WDR7: variants seen among roughly 807,000 people sequenced by gnomAD.
WDR7 encodes the protein WD repeat-containing protein 7.
A neutral mutation model predicts 169.4 loss-of-function variants in WDR7; 46 were observed. The observed-to-expected ratio is 0.27, with a 90% CI of 0.21 to 0.35. The LOEUF (loss-of-function observed/expected upper bound fraction) is 0.35, where lower values mean the gene tolerates loss of function less well. WDR7 is among the 10% of genes least tolerant of loss of function. The pLI is 1.00. For missense variants in WDR7, 1,534 were observed against 1,859.3 expected, an observed-to-expected ratio of 0.83 and a Z score of 3.22; for synonymous variants, 612 against 666.8, an observed-to-expected ratio of 0.92 and a Z score of 1.27.
At chr18:56,813,183 A>T (rs2044903996) in intron 19 of WDR7, among the ~76,000 whole-genome samples, 2 of 115,670 alleles carry the variant, frequency 1.7e-5, no homozygotes, top group Admixed American at 7.6e-5. Context: ...AGTATAATAA[A>T]AAAAAAAAAC....
chr18:56,807,719 C>G (rs1232693683), intron 19 of WDR7, among the ~76,000 whole-genome samples: 1 of 149,608 alleles, frequency 6.7e-6, no homozygotes, highest in Non-Finnish European at 1.5e-5. Context: ...TTCATTTGTT[C>G]ATAAACAAAG....
intron 12 of WDR7, among the ~76,000 whole-genome samples, chr18:56,700,344 C>T (rs1163708882): frequency 5.5e-5 from 8 of 144,846 alleles, no homozygotes; most frequent in African/African-American, 2.0e-4. Context: ...GCAACCTCCA[C>T]CTCCCGGGTT....
chr18:56,691,481 AG>A, intron 8 of WDR7, 120 bp downstream of exon 8: 1 of 1,194,692 alleles, frequency 8.4e-7, no homozygotes, highest in African/African-American at 1.6e-5. Context: ...AAAACACTTC[AG>A]AACTTCTTAA....
chr18:56,810,077 G>A (rs1469400243), intron 19 of WDR7, among the ~76,000 whole-genome samples: 1 of 152,062 alleles, frequency 6.6e-6, no homozygotes, highest in Non-Finnish European at 1.5e-5. Flanking sequence ...AAATAGCCAG[G>A]TTTATGGCTG....
At chr18:56,913,484 AT>A (rs1420716996) in intron 21 of WDR7, among the ~76,000 whole-genome samples, 2 of 152,058 alleles carry the variant, frequency 1.3e-5, no homozygotes, top group African/African-American at 4.8e-5. Context: ...TTAAAAAAAA[AT>A]GTTTTTAATC....
intron 12 of WDR7, among the ~76,000 whole-genome samples, chr18:56,713,612 A>C (rs868821977): frequency 6.6e-6 from 1 of 152,192 alleles, no homozygotes; most frequent in Admixed American, 6.5e-5. Flanking sequence ...TGTTTTATAC[A>C]TTATCTTGTT....
At chr18:56,833,288 A>G (rs542448152) in intron 20 of WDR7, among the ~76,000 whole-genome samples, 25 of 151,992 alleles carry the variant, frequency 1.6e-4, no homozygotes, top group Non-Finnish European at 2.9e-4. Flanking sequence ...AAGATTAGAG[A>G]AAAAGGAATG....
chr18:56,854,426 T>C (rs1485424285), intron 20 of WDR7, among the ~76,000 whole-genome samples: 3 of 152,216 alleles, frequency 2.0e-5, no homozygotes. Flanking sequence ...ACATGGAGCC[T>C]CCATGCCCAA....
chr18:56,834,756 A>G (rs1345750617), intron 20 of WDR7, among the ~76,000 whole-genome samples: 2 of 152,186 alleles, frequency 1.3e-5, no homozygotes, highest in African/African-American at 4.8e-5. Flanking sequence ...CTAAAAGTGG[A>G]ATCGTTTAAA....
intron 27 of WDR7, among the ~76,000 whole-genome samples, chr18:57,024,297 C>T (rs1395481256): frequency 6.6e-6 from 1 of 152,068 alleles, no homozygotes; most frequent in African/African-American, 2.4e-5. Context: ...CGTTTGTATC[C>T]AGTCGCTGTT....
chr18:56,866,271 G>C (rs1404253310), intron 20 of WDR7, among the ~76,000 whole-genome samples: 2 of 151,344 alleles, frequency 1.3e-5, no homozygotes, highest in African/African-American at 4.9e-5. Context: ...ATCTTACCTT[G>C]GACCTAAGAG....
At chr18:56,783,980 A>G (rs1443973253) in intron 19 of WDR7, among the ~76,000 whole-genome samples, 1 of 152,224 alleles carries the variant, frequency 6.6e-6, no homozygotes, top group Non-Finnish European at 1.5e-5. Context: ...AGAATAAAAT[A>G]TAAGTAAAAT....
chr18:56,971,011 C>G (rs1487998112), intron 26 of WDR7, among the ~76,000 whole-genome samples: 1 of 152,142 alleles, frequency 6.6e-6, no homozygotes, highest in Non-Finnish European at 1.5e-5. Flanking sequence ...GTGGCTCGCA[C>G]CAGTAATCCC....
intron 14 of WDR7, among the ~76,000 whole-genome samples, chr18:56,743,669 G>C (rs2043655065): frequency 6.6e-6 from 1 of 152,180 alleles, no homozygotes. Flanking sequence ...TGTGGAAATA[G>C]AAATAGTAAC....
At chr18:56,891,620 A>G (rs2046265206) in intron 21 of WDR7, among the ~76,000 whole-genome samples, 1 of 152,106 alleles carries the variant, frequency 6.6e-6, no homozygotes, top group Non-Finnish European at 1.5e-5. Flanking sequence ...ATATAAGTGA[A>G]CTGATATTCT....
intron 21 of WDR7, among the ~76,000 whole-genome samples, chr18:56,894,528 ACT>A (rs981022498): frequency 3.3e-5 from 5 of 151,732 alleles, no homozygotes; most frequent in African/African-American, 9.7e-5. Flanking sequence ...TATCCAGATC[ACT>A]CTATTTAATC....
Position 56,654,222 on chromosome 18 carries a change from C to G in WDR7, c.-20+2646C>G, listed in dbSNP as rs567869121. ...TCTTGGCTCACTGCCATCTCTGTCTCCCAGGTTCAAGCGATTCTCCTGCCT... is the reference window on the plus strand; with the variant it reads ...TCTTGGCTCACTGCCATCTCTGTCTGCCAGGTTCAAGCGATTCTCCTGCCT... On this transcript the variant is annotated intron_variant, in intron 1 of 27. Transcript: ENST00000254442. Among the ~76,000 whole-genome samples the G allele has an allele frequency of 5.9e-5, 9 of 152,196 alleles. No homozygotes were observed. In the East Asian group the frequency reaches 1.7e-3, roughly 29 times the overall value.
chr18:56,739,517 A>G (rs1338640366), intron 14 of WDR7, among the ~76,000 whole-genome samples: 1 of 152,024 alleles, frequency 6.6e-6, no homozygotes, highest in Non-Finnish European at 1.5e-5. Context: ...TAATATTCTT[A>G]TATTTAAACT....
chr18:56,652,161 A>G (rs143879617), intron 1 of WDR7, among the ~76,000 whole-genome samples: 310 of 152,256 alleles, frequency 2.0e-3, no homozygotes, highest in African/African-American at 7.1e-3. Context: ...CCTAACTTTG[A>G]TTCAAAAATT....
Sources: gnomAD v4.1 joint callset for allele counts (sites outside exome capture counted in the v4.1 genomes callset) on GRCh38, gnomAD v4.1.1 for gene constraint, MANE v1.5 for transcripts, NCBI Gene and HGNC (gene_info 2026-07-23, HGNC 2026-07-21) for gene names.